The following LAMA2 variants were observed in gnomAD, a reference collection of about 807,000 sequenced individuals.
LAMA2 encodes laminin subunit alpha 2, also known as laminin subunit alpha-2.
A neutral mutation model predicts 364.8 loss-of-function variants in LAMA2; 269 were observed. The observed-to-expected ratio is 0.74, with a 90% CI of 0.67 to 0.82. The LOEUF is 0.82. Ranked by LOEUF, LAMA2 falls within the 40% of genes least tolerant of loss-of-function variation. The pLI is 0.00. For missense variants in LAMA2, 3,807 were observed against 3,873.2 expected, an observed-to-expected ratio of 0.98 and a Z score of 0.45; for synonymous variants, 1,379 against 1,370.6, an observed-to-expected ratio of 1.01 and a Z score of -0.14.
intron 28 of LAMA2, among the ~76,000 whole-genome samples, chr6:129,321,785 G>A (rs552851055): frequency 1.3e-5 from 2 of 152,228 alleles, no homozygotes; most frequent in African/African-American, 2.4e-5. Flanking sequence ...GTTGTATTAA[G>A]TATGGTACAT....
At chr6:128,934,124 G>A (rs921956143) in intron 1 of LAMA2, among the ~76,000 whole-genome samples, 9 of 152,182 alleles carry the variant, frequency 5.9e-5, no homozygotes, top group Admixed American at 3.3e-4. Context: ...TATGGAATAA[G>A]ATAAACATCC....
At chr6:129,152,551 A>G (rs755842603) in intron 7 of LAMA2, among the ~76,000 whole-genome samples, 38 of 152,200 alleles carry the variant, frequency 2.5e-4, no homozygotes, top group Non-Finnish European at 5.3e-4. Context: ...TACTGCTACT[A>G]ACATTTATTG....
At chr6:129,287,203 G>T (rs1411656318) in intron 18 of LAMA2, among the ~76,000 whole-genome samples, 1 of 150,808 alleles carries the variant, frequency 6.6e-6, no homozygotes, top group African/African-American at 2.4e-5. Flanking sequence ...TCACCTTATG[G>T]CATATTCCTA....
chr6:128,904,397 G>GATAGAA (rs897429511), intron 1 of LAMA2, among the ~76,000 whole-genome samples: 2 of 150,274 alleles, frequency 1.3e-5, no homozygotes, highest in Non-Finnish European at 3.0e-5. Flanking sequence ...TATCTCCCTA[G>GATAGAA]ATAGAAATAT....
chr6:129,080,999 T>G (rs1428799692), intron 3 of LAMA2, among the ~76,000 whole-genome samples: 1 of 152,142 alleles, frequency 6.6e-6, no homozygotes, highest in Non-Finnish European at 1.5e-5. Context: ...AACCCAAATG[T>G]CCATCAATGA....
intron 1 of LAMA2, among the ~76,000 whole-genome samples, chr6:128,998,240 G>A (rs928315043): frequency 6.6e-6 from 1 of 152,160 alleles, no homozygotes; most frequent in Admixed American, 6.6e-5. Flanking sequence ...GCTGGAAGGT[G>A]GTTTTATGAG....
At chr6:128,964,132 C>T (rs1417568310) in intron 1 of LAMA2, among the ~76,000 whole-genome samples, 2 of 151,898 alleles carry the variant, frequency 1.3e-5, no homozygotes, top group Non-Finnish European at 2.9e-5. Context: ...TTGTTGTCGA[C>T]TGAAATGGTA....
At chr6:129,323,106 C>A (rs929936339) in intron 28 of LAMA2, among the ~76,000 whole-genome samples, 1 of 152,150 alleles carries the variant, frequency 6.6e-6, no homozygotes, top group African/African-American at 2.4e-5. Context: ...GAAGTGTTTT[C>A]CACAACCCAT....
chr6:129,238,676 G>A (rs138260950), intron 12 of LAMA2, among the ~76,000 whole-genome samples: 21 of 152,126 alleles, frequency 1.4e-4, no homozygotes, highest in African/African-American at 4.8e-4. Flanking sequence ...ATGCACTATA[G>A]TATCACCAAA....
chr6:129,428,287 A>T (rs565749814), intron 41 of LAMA2, among the ~76,000 whole-genome samples: 1 of 152,190 alleles, frequency 6.6e-6, no homozygotes, highest in East Asian at 1.9e-4. Context: ...TTAAAAATTT[A>T]GTCAGGTGTA....
rs1268913408 is a variant in LAMA2, at chr6:129,286,975, G to GAA, written c.2538-871_2538-870insAA. Among the ~76,000 whole-genome samples, 34 of 53,240 alleles carry GAA rather than the reference G, an allele frequency of 6.4e-4. 5 individuals carry two copies. Among genetic ancestry groups the GAA allele is most frequent in the African/African-American group, 2.3e-3 (32 of 14,134 alleles). The allele number at this position is 53,240 out of a possible 152,430, so 34.9% of individuals were successfully genotyped here. A position where few individuals can be genotyped will look rare whatever the true frequency, so the allele number is the denominator to read the frequency against. ...CAGGAGACAAAGAAAGAAAGAAACA[G>GAA]AGAGGAAGGAAGGAAGGAAGGGAGG... On this transcript the variant is annotated intron_variant, in intron 18 of 64. Coordinates refer to ENST00000421865, the MANE Select transcript of LAMA2 (RefSeq NM_000426.4).
chr6:129,208,789 A>G (rs1316855540), intron 12 of LAMA2, among the ~76,000 whole-genome samples: 1 of 151,950 alleles, frequency 6.6e-6, no homozygotes, highest in African/African-American at 2.4e-5. Context: ...AAGGAAAACA[A>G]TGGAAAGAAT....
chr6:128,927,277 CAT>C (rs999201493), intron 1 of LAMA2, among the ~76,000 whole-genome samples: 3 of 152,136 alleles, frequency 2.0e-5, no homozygotes, highest in Non-Finnish European at 4.4e-5. Flanking sequence ...CTAACACACA[CAT>C]AACAAAAATG....
chr6:128,955,614 C>G (rs1455629773), intron 1 of LAMA2, among the ~76,000 whole-genome samples: 2 of 151,764 alleles, frequency 1.3e-5, no homozygotes, highest in African/African-American at 4.8e-5. Context: ...TTACTTTTAC[C>G]ATTGCAGTTA....
At chr6:129,007,707 A>G (rs1464907488) in intron 1 of LAMA2, among the ~76,000 whole-genome samples, 1 of 152,224 alleles carries the variant, frequency 6.6e-6, no homozygotes, top group Non-Finnish European at 1.5e-5. Flanking sequence ...CTGATGAAGG[A>G]ATAGTCAGAA....
At chr6:129,043,913 C>A (rs1787281467) in intron 1 of LAMA2, among the ~76,000 whole-genome samples, 1 of 152,122 alleles carries the variant, frequency 6.6e-6, no homozygotes, top group African/African-American at 2.4e-5. Context: ...CTGACTAGGG[C>A]AGGTGTAGGT....
At chr6:128,930,975 CT>C (rs1297666534) in intron 1 of LAMA2, among the ~76,000 whole-genome samples, 1 of 152,016 alleles carries the variant, frequency 6.6e-6, no homozygotes, top group African/African-American at 2.4e-5. Context: ...TAAGTGCTAC[CT>C]ATTCTTAAGT....
chr6:129,361,787 T>TC (rs1329270403), intron 32 of LAMA2, among the ~76,000 whole-genome samples: 1 of 148,396 alleles, frequency 6.7e-6, no homozygotes, highest in Non-Finnish European at 1.5e-5. Flanking sequence ...AGTAACCTTT[T>TC]TTTTTTTTTT....
intron 32 of LAMA2, among the ~76,000 whole-genome samples, chr6:129,360,114 T>C (rs905754918): frequency 3.9e-5 from 6 of 152,170 alleles, no homozygotes; most frequent in African/African-American, 1.4e-4. Flanking sequence ...GGATTTCACT[T>C]TGTAACCTTA....
Sources: allele counts gnomAD v4.1 joint callset (sites outside exome capture counted in the v4.1 genomes callset), GRCh38; gene constraint gnomAD v4.1.1; transcripts MANE v1.5; gene names NCBI Gene and HGNC (gene_info 2026-07-23, HGNC 2026-07-21).